DLGAP2: variants seen among roughly 807,000 people sequenced by gnomAD.
The protein encoded by DLGAP2 is DLG associated protein 2.
Under a neutral mutation model 100.3 loss-of-function variants are expected in DLGAP2, and 26 were observed. The ratio of observed to expected loss-of-function variants is 0.26; its 90% confidence interval spans 0.19 to 0.36. The LOEUF is 0.36. Among genes scored for constraint, DLGAP2 ranks in the 10% least tolerant of loss-of-function variants. DLGAP2 has a pLI of 1.00. For synonymous variants in DLGAP2, 886 were observed against 630.1 expected, an observed-to-expected ratio of 1.41 and a Z score of -6.08; for missense variants, 1,858 against 1,453.2, an observed-to-expected ratio of 1.28 and a Z score of -4.53.
At chr8:1,101,832 C>T (rs9774019) in intron 2 of DLGAP2, among the ~76,000 whole-genome samples, 8 of 47,622 alleles carry the variant, frequency 1.7e-4, no homozygotes, top group East Asian at 5.4e-4. Flanking sequence ...GGAAGCTCCT[C>T]GTCACCCCTG....
At chr8:1,213,313 C>T (rs1585157809) in intron 2 of DLGAP2, among the ~76,000 whole-genome samples, 2 of 152,266 alleles carry the variant, frequency 1.3e-5, no homozygotes, top group African/African-American at 4.8e-5. Flanking sequence ...TTTGATTTTA[C>T]TAAAAGTTTT....
chr8:962,463 C>G (rs554820328), intron 2 of DLGAP2, among the ~76,000 whole-genome samples: 18 of 152,190 alleles, frequency 1.2e-4, no homozygotes, highest in Non-Finnish European at 2.5e-4. Context: ...CGTCCTTGCA[C>G]TGTGGCCGTG....
At chr8:1,047,621 G>T (rs971156289) in intron 2 of DLGAP2, among the ~76,000 whole-genome samples, 2 of 152,108 alleles carry the variant, frequency 1.3e-5, no homozygotes, top group African/African-American at 4.8e-5. Flanking sequence ...CACTGGCAGG[G>T]TCAGTGTCCA....
intron 2 of DLGAP2, among the ~76,000 whole-genome samples, chr8:1,060,464 C>G (rs1803046735): frequency 6.6e-6 from 1 of 152,098 alleles, no homozygotes; most frequent in Non-Finnish European, 1.5e-5. Flanking sequence ...AAGCGCGTCA[C>G]CGACCCCTGC....
chr8:1,371,288 A>G (rs540065419), intron 3 of DLGAP2, among the ~76,000 whole-genome samples: 8 of 152,260 alleles, frequency 5.3e-5, no homozygotes, highest in Middle Eastern at 3.4e-3. Context: ...TTCGGCCTCT[A>G]TTTCTAGTAA....
intron 7 of DLGAP2, among the ~76,000 whole-genome samples, chr8:1,630,576 C>T (rs1256685836): frequency 2.0e-5 from 3 of 151,990 alleles, no homozygotes; most frequent in East Asian, 1.9e-4. Context: ...GTAGCGGGCA[C>T]CTGTGGTCCC....
At position 1,701,640 on chromosome 8, in the gene DLGAP2, C is replaced by G. The variant is rs1799575251; in HGVS notation, c.*234C>G. ...GTTGTTGTTCACGGGTGGCCTGGCT[C>G]ACACTTGGCTCTGAGGGACAGGTGT... On this transcript the variant is annotated 3_prime_UTR_variant, in exon 15 of 15. Coordinates refer to ENST00000637795, the MANE Select transcript of DLGAP2 (RefSeq NM_001346810.2). 1.7e-6 allele frequency: 1 copy of G among 574,756 alleles called. No homozygotes were observed. Among genetic ancestry groups the G allele is most frequent in the Admixed American group, 3.4e-5 (1 of 29,800 alleles). 35.6% of individuals were successfully genotyped at this position (574,756 alleles called of 1,614,324 possible). A position where few individuals can be genotyped will look rare whatever the true frequency, so the allele number is the denominator to read the frequency against.
At chr8:1,202,885 G>A (rs114412150) in intron 2 of DLGAP2, among the ~76,000 whole-genome samples, 2,282 of 152,302 alleles carry the variant, frequency 0.015, 72 homozygotes, top group African/African-American at 0.052. Flanking sequence ...GCTGCCCACC[G>A]ACCAGCCACG....
chr8:927,000 C>T (rs1489589936), intron 2 of DLGAP2: 2 of 983,118 alleles, frequency 2.0e-6, no homozygotes, highest in Non-Finnish European at 2.4e-6. Flanking sequence ...GGCCAGAGGA[C>T]CCCCCGCCGA....
At chr8:1,296,858 T>G (rs1328820016) in intron 3 of DLGAP2, among the ~76,000 whole-genome samples, 4 of 152,124 alleles carry the variant, frequency 2.6e-5, no homozygotes, top group African/African-American at 7.2e-5. Context: ...GCGGAGGGGA[T>G]GTTTCATGCG....
At chr8:1,299,620 C>T (rs1043493531) in intron 3 of DLGAP2, among the ~76,000 whole-genome samples, 1 of 152,158 alleles carries the variant, frequency 6.6e-6, no homozygotes, top group African/African-American at 2.4e-5. Flanking sequence ...ATTTTAAAAG[C>T]TTGTCTTCTG....
intron 2 of DLGAP2, among the ~76,000 whole-genome samples, chr8:970,723 G>T (rs1205246935): frequency 2.0e-5 from 3 of 152,072 alleles, no homozygotes; most frequent in South Asian, 2.1e-4. Flanking sequence ...AAAATTTAGT[G>T]TAGGAAAAAA....
intron 2 of DLGAP2, among the ~76,000 whole-genome samples, chr8:1,134,659 T>C (rs2129049594): frequency 6.6e-6 from 1 of 152,290 alleles, no homozygotes; most frequent in Middle Eastern, 3.4e-3. Context: ...TGCCTGAGAA[T>C]GGGTAATTTA....
chr8:1,182,768 C>T (rs1797418236), intron 2 of DLGAP2, among the ~76,000 whole-genome samples: 1 of 152,212 alleles, frequency 6.6e-6, no homozygotes, highest in African/African-American at 2.4e-5. Context: ...CTATCGAGTC[C>T]AGCGCGCATG....
At chr8:819,598 G>A (rs775626528) in intron 1 of DLGAP2, among the ~76,000 whole-genome samples, 11 of 152,142 alleles carry the variant, frequency 7.2e-5, no homozygotes, top group Non-Finnish European at 1.6e-4. Flanking sequence ...AATTAGTAAC[G>A]TTGGGCATGG....
intron 2 of DLGAP2, among the ~76,000 whole-genome samples, chr8:1,099,681 G>C: frequency 6.6e-6 from 1 of 152,236 alleles, no homozygotes; most frequent in South Asian, 2.1e-4. Flanking sequence ...TAAGTGGGTA[G>C]CTTGTTTGAA....
intron 1 of DLGAP2, among the ~76,000 whole-genome samples, chr8:899,831 G>A (rs751141537): frequency 4.6e-5 from 7 of 152,164 alleles, no homozygotes; most frequent in Non-Finnish European, 7.3e-5. Context: ...ATTCAGTGGC[G>A]TGGTGTAACT....
intron 3 of DLGAP2, among the ~76,000 whole-genome samples, chr8:1,425,439 G>A (rs554729687): frequency 1.3e-5 from 2 of 152,300 alleles, no homozygotes; most frequent in Non-Finnish European, 2.9e-5. Flanking sequence ...GACCCATCAG[G>A]AACCTGGTAC....
At chr8:1,557,899 G>A (rs1802019753) in intron 5 of DLGAP2, among the ~76,000 whole-genome samples, 1 of 152,170 alleles carries the variant, frequency 6.6e-6, no homozygotes, top group African/African-American at 2.4e-5. Context: ...ATCACATTCT[G>A]AGGTCCCAAG....
Sources: gnomAD v4.1 joint callset for allele counts (sites outside exome capture counted in the v4.1 genomes callset) on GRCh38, gnomAD v4.1.1 for gene constraint, MANE v1.5 for transcripts, NCBI Gene and HGNC (gene_info 2026-07-23, HGNC 2026-07-21) for gene names.